LIMK1: variants seen among roughly 807,000 people sequenced by gnomAD.
LIMK1 encodes the protein LIM motif-containing protein kinase.
A neutral mutation model predicts 77.6 loss-of-function variants in LIMK1; 21 were observed. The ratio of observed to expected loss-of-function variants is 0.27; its 90% confidence interval spans 0.19 to 0.39. LIMK1 has a LOEUF of 0.39. Ranked by LOEUF, LIMK1 falls within the 10% of genes least tolerant of loss-of-function variation. The probability of loss-of-function intolerance (pLI) is 1.00; values close to 1 mark genes in which losing one functional copy is unlikely to be tolerated. For missense variants in LIMK1, 696 were observed against 901.6 expected, an observed-to-expected ratio of 0.77 and a Z score of 2.92; for synonymous variants, 358 against 370.0, an observed-to-expected ratio of 0.97 and a Z score of 0.37.
At position 74,108,953 on chromosome 7, in the gene LIMK1, G is replaced by A. The variant is rs988565922; in HGVS notation, c.1201G>A (p.Gly401Arg). The A allele has an allele frequency of 6.2e-7, 1 of 1,614,074 alleles. No homozygotes were observed. Among genetic ancestry groups the A allele is most frequent in the Non-Finnish European group, 8.5e-7 (1 of 1,180,014 alleles). ...ACACCCCAACGTGCTCAAGTTCATCGGGGTGCTCTACAAGGACAAGAGGCT... is the reference window on the plus strand; with the variant it reads ...ACACCCCAACGTGCTCAAGTTCATCAGGGTGCTCTACAAGGACAAGAGGCT... ...LEHPNVLKFI[G>R]VLYKDKRLNF... The change falls in exon 10 of 16, where the codon GGG (glycine) becomes AGG (arginine). Residue 401 changes from glycine (G) to arginine (R), a missense_variant. Around this residue, in one of 3 missense-constraint regions of LIMK1, gnomAD observed 438 missense variants for 602.3 expected, o/e 0.73. Coordinates refer to ENST00000336180, the MANE Select transcript of LIMK1 (RefSeq NM_002314.4).
intron 2 of LIMK1, among the ~76,000 whole-genome samples, chr7:74,094,915 AC>A (rs1799310587): frequency 6.6e-6 from 1 of 151,786 alleles, no homozygotes; most frequent in South Asian, 2.1e-4. Context: ...TGCACCCCTC[AC>A]CCACATGCTT....
intron 1 of LIMK1, 44 bp downstream of exon 1, chr7:74,084,089 C>T: frequency 8.3e-7 from 1 of 1,204,008 alleles, no homozygotes. Flanking sequence ...GGAGGGGGTG[C>T]CCGGGGCAGC....
intron 2 of LIMK1, among the ~76,000 whole-genome samples, chr7:74,091,356 T>C (rs1799231387): frequency 6.6e-6 from 1 of 151,898 alleles, no homozygotes; most frequent in Non-Finnish European, 1.5e-5. Flanking sequence ...AGACTCCATC[T>C]CTACAAAAAA....
intron 12 of LIMK1, among the ~76,000 whole-genome samples, chr7:74,114,949 T>C (rs1445965680): frequency 1.4e-5 from 2 of 147,130 alleles, no homozygotes; most frequent in African/African-American, 5.0e-5. Flanking sequence ...TTGGGCCAGG[T>C]ATGGTGGCTT....
chr7:74,085,699 C>T, intron 1 of LIMK1, 49 bp from the exon 2 acceptor site: 1 of 1,463,166 alleles, frequency 6.8e-7, no homozygotes, highest in Non-Finnish European at 9.3e-7. Flanking sequence ...GGGCCTGCAC[C>T]AGATCACACT....
rs1387732106 is a variant in LIMK1 at position 74,121,542 on chromosome 7, G to T, written c.*241G>T. The T allele has an allele frequency of 4.0e-6, 2 of 501,984 alleles. No individual in the cohort carries two copies. Among genetic ancestry groups the T allele is most frequent in the African/African-American group, 1.9e-5 (1 of 51,308 alleles). 31.1% of individuals were successfully genotyped at this position (501,984 alleles called of 1,614,324 possible). A position where few individuals can be genotyped will look rare whatever the true frequency, so the allele number is the denominator to read the frequency against. ...TCGCCCTGCTGTAACCTCTGTCTTG[G>T]CAGGGCTGTCCCCTCTTGCTTCTCC... On this transcript the variant is annotated 3_prime_UTR_variant, in exon 16 of 16. Transcript: ENST00000336180.
At chr7:74,109,283 C>T in intron 10 of LIMK1, 1 of 458,246 alleles carries the variant, frequency 2.2e-6, no homozygotes, top group Non-Finnish European at 4.1e-6. Flanking sequence ...TCACTCGAGG[C>T]CAGGAATTCA....
chr7:74,090,714 A>AGGGGC (rs1799219904), intron 2 of LIMK1, among the ~76,000 whole-genome samples: 1 of 152,166 alleles, frequency 6.6e-6, no homozygotes, highest in African/African-American at 2.4e-5. Context: ...GGGCAGGGGC[A>AGGGGC]ATGTGATAAG....
rs1554697462 is a variant in LIMK1 at position 74,106,178 on chromosome 7, C to T, written c.816C>T (p.Pro272=). 2 of 1,614,024 alleles carry T rather than the reference C, an allele frequency of 1.2e-6. No individual in the cohort carries two copies. The highest frequency in any genetic ancestry group is 1.7e-6 in the Non-Finnish European group (2 of 1,180,032). ...LGHGLGPETS[P]LSSPAYTPSG... ...ACGGGCTGGGGCCTGAGACCAGCCCCCTGAGCTCTCCGGCTTATACTCCCA... is the reference window on the plus strand; with the variant it reads ...ACGGGCTGGGGCCTGAGACCAGCCCTCTGAGCTCTCCGGCTTATACTCCCA... The change falls in exon 7 of 16, where the codon CCC becomes CCT. Residue 272 remains proline (P), a synonymous_variant. Transcript: ENST00000336180.
At chr7:74,096,072 C>G (rs576617552) in intron 2 of LIMK1, among the ~76,000 whole-genome samples, 2 of 150,584 alleles carry the variant, frequency 1.3e-5, no homozygotes, top group Admixed American at 1.3e-4. Context: ...TCAAGCGATT[C>G]TTCTGCCTCA....
At position 74,107,003 on chromosome 7, in the gene LIMK1, C is replaced by T; in HGVS notation, c.882-7C>T. 2.6e-6 allele frequency: 4 copies of T among 1,568,210 alleles called. No individual in the cohort carries two copies. Among genetic ancestry groups the T allele is most frequent in the Non-Finnish European group, 3.5e-6 (4 of 1,157,376 alleles). On this transcript the variant is annotated splice_polypyrimidine_tract_variant and splice_region_variant and intron_variant, in intron 7 of 15. Transcript: ENST00000336180. Reference sequence around the variant, plus strand: ...CGGTGGCACTTGGCACCATGTGTGCCCCCCAGGAGGAGCTGCAGCATCGAC... The same window carrying T: ...CGGTGGCACTTGGCACCATGTGTGCTCCCCAGGAGGAGCTGCAGCATCGAC...
rs1799074478 is a variant in LIMK1 at position 74,083,814 on chromosome 7, C to G, written c.-177C>G. The G allele has an allele frequency of 6.8e-6, 1 of 146,496 alleles. No homozygotes were observed. Among genetic ancestry groups the G allele is most frequent in the Non-Finnish European group, 1.5e-5 (1 of 65,626 alleles). 9.1% of individuals were successfully genotyped at this position (146,496 alleles called of 1,614,324 possible). A position where few individuals can be genotyped will look rare whatever the true frequency, so the allele number is the denominator to read the frequency against. ...TCGGTCCGCCCCTCCGCTCGCTCCC[C>G]AAGCCGCCGCGGCGCCGAGCCGGTT... On this transcript the variant is annotated 5_prime_UTR_variant, in exon 1 of 16. Transcript: ENST00000336180.
chr7:74,107,311 G>C, intron 8 of LIMK1, 118 bp downstream of exon 8: 1 of 1,126,912 alleles, frequency 8.9e-7, no homozygotes, highest in Non-Finnish European at 1.2e-6. Flanking sequence ...TCCCTGGCCA[G>C]TGCCCTCTCC....
At chr7:74,099,443 AT>A (rs1799410755) in intron 5 of LIMK1, among the ~76,000 whole-genome samples, 1 of 152,060 alleles carries the variant, frequency 6.6e-6, no homozygotes, top group African/African-American at 2.4e-5. Context: ...ATAAAAAGAC[AT>A]TTTCAACCGG....
chr7:74,117,150 G>A (rs952570473), intron 13 of LIMK1, among the ~76,000 whole-genome samples: 7 of 152,200 alleles, frequency 4.6e-5, no homozygotes, highest in Non-Finnish European at 8.8e-5. Flanking sequence ...CAAAGTGCTG[G>A]GATTACAGGC....
At chr7:74,101,479 C>T (rs1799457291) in intron 5 of LIMK1, among the ~76,000 whole-genome samples, 1 of 152,130 alleles carries the variant, frequency 6.6e-6, no homozygotes, top group South Asian at 2.1e-4. Flanking sequence ...TGCATTCCAG[C>T]TTGGGCGACA....
Position 74,105,978 on chromosome 7 carries a change from G to A in LIMK1, c.712G>A (p.Glu238Lys), listed in dbSNP as rs782551009. 9.9e-6 allele frequency: 16 copies of A among 1,613,890 alleles called. No individual in the cohort carries two copies. The highest frequency in any genetic ancestry group is 1.4e-5 in the Non-Finnish European group (16 of 1,179,918). ...GTPIRNVPLDEIDLLIQETSR... is the reference protein window; with the variant it reads ...GTPIRNVPLDKIDLLIQETSR... ...GCCCATCCGAAATGTGCCCCTGGAC[G>A]AGGTACGGTCCTGAGTCTGTGGGGC... The change falls in exon 6 of 16, where the codon GAG becomes AAG. Residue 238 changes from glutamate (E) to lysine (K), a missense_variant and splice_region_variant. Physicochemically the swap from Glu to Lys is moderately conservative, Grantham distance 56. Coordinates refer to ENST00000336180, the MANE Select transcript of LIMK1 (RefSeq NM_002314.4).
chr7:74,107,821 C>T (rs199559008), intron 8 of LIMK1, 50 bp from the exon 9 acceptor site: 56 of 1,455,946 alleles, frequency 3.8e-5, no homozygotes, highest in East Asian at 9.9e-5. Context: ...TCCTAGAAGG[C>T]GGGCTTACAG....
At chr7:74,085,681 G>A in intron 1 of LIMK1, 67 bp from the exon 2 acceptor site, 1 of 1,299,460 alleles carries the variant, frequency 7.7e-7, no homozygotes. Context: ...GGGTGGGCAG[G>A]GCAAGCTGGG....
Sources: gnomAD v4.1 joint callset for allele counts (sites outside exome capture counted in the v4.1 genomes callset) on GRCh38, gnomAD v4.1.1 for gene constraint, gnomAD v4.1.1 regional missense constraint, MANE v1.5 for transcripts, NCBI Gene and HGNC (gene_info 2026-07-23, HGNC 2026-07-21) for gene names.